Variants in MED13L observed in about 807,000 individuals in gnomAD.
MED13L encodes the protein mediator of RNA polymerase II transcription subunit 13-like.
A neutral mutation model predicts 220.9 loss-of-function variants in MED13L; 7 were observed. That is an observed-to-expected ratio of 0.03 (90% CI 0.02 to 0.06). The LOEUF is 0.06. MED13L is among the 10% of genes least tolerant of loss of function. The pLI, the probability that MED13L is intolerant of heterozygous loss-of-function variation, is 1.00. For synonymous variants in MED13L, 1,011 were observed against 1,015.2 expected, an observed-to-expected ratio of 1.00 and a Z score of 0.08; for missense variants, 1,965 against 2,760.5, an observed-to-expected ratio of 0.71 and a Z score of 6.46.
At chr12:116,229,773 C>T (rs1869372773) in intron 2 of MED13L, among the ~76,000 whole-genome samples, 1 of 152,082 alleles carries the variant, frequency 6.6e-6, no homozygotes, top group Non-Finnish European at 1.5e-5. Flanking sequence ...TTTTTCCTTT[C>T]AAGTATATAA....
In MED13L at chr12:115,991,792, G is replaced by T. The variant is rs1264506113; in HGVS notation, c.3162C>A (p.Pro1054=). The T allele has an allele frequency of 6.2e-7, 1 of 1,613,822 alleles. No homozygotes were observed. ...PRFSVPTPRT[P]RTPRTPRGGG... ...CACCTCTGGGAGTTCTTGGGGTCCT[G>T]GGGGTTCGTGGTGTGGGGACAGAGA... Residue 1054 remains proline (P), a synonymous_variant, in exon 17 of 31, where the codon CCC becomes CCA. Coordinates refer to ENST00000281928, the MANE Select transcript of MED13L (RefSeq NM_015335.5). This position sits in a 1 kb window ranked among gnomAD's most constrained non-coding sequence, Gnocchi z 7.7.
At chr12:116,254,153 A>G (rs1871830002) in intron 1 of MED13L, among the ~76,000 whole-genome samples, 1 of 152,096 alleles carries the variant, frequency 6.6e-6, no homozygotes, top group Non-Finnish European at 1.5e-5. Flanking sequence ...AGAAGAGTGA[A>G]TATTTTCTGC....
chr12:116,132,316 A>C (rs1593081016), intron 2 of MED13L, among the ~76,000 whole-genome samples: 1 of 151,912 alleles, frequency 6.6e-6, no homozygotes, highest in East Asian at 1.9e-4. Flanking sequence ...TACCAAATAA[A>C]ATACTAGCAC....
At chr12:116,175,848 T>C (rs1880020907) in intron 2 of MED13L, among the ~76,000 whole-genome samples, 1 of 152,112 alleles carries the variant, frequency 6.6e-6, no homozygotes. Flanking sequence ...TAATGCATAA[T>C]AATAATAGGA....
At chr12:115,976,946 A>G (rs1592906613) in intron 23 of MED13L, among the ~76,000 whole-genome samples, 1 of 152,170 alleles carries the variant, frequency 6.6e-6, no homozygotes, top group African/African-American at 2.4e-5. Context: ...GGATCACTGG[A>G]GCCCAGGAGT....
At chr12:116,014,851 T>C (rs938582396) in intron 8 of MED13L, among the ~76,000 whole-genome samples, 1 of 152,166 alleles carries the variant, frequency 6.6e-6, no homozygotes, top group Admixed American at 6.5e-5. Flanking sequence ...TGCTACAAAA[T>C]ATTAGGTCAA....
chr12:116,235,979 G>GT (rs1164227178), intron 2 of MED13L, among the ~76,000 whole-genome samples: 1 of 151,986 alleles, frequency 6.6e-6, no homozygotes, highest in Non-Finnish European at 1.5e-5. Flanking sequence ...TTTTTAAAAA[G>GT]CTTTATACCT....
intron 3 of MED13L, among the ~76,000 whole-genome samples, chr12:116,109,036 A>ACTTTATAT (rs1873843903): frequency 6.9e-6 from 1 of 144,828 alleles, no homozygotes; most frequent in Non-Finnish European, 1.5e-5. Flanking sequence ...ACTATCCCAA[A>ACTTTATAT]CTTTATATGT....
chr12:116,078,210 T>C (rs529440814), intron 4 of MED13L, among the ~76,000 whole-genome samples: 93 of 152,018 alleles, frequency 6.1e-4, no homozygotes, highest in African/African-American at 2.2e-3. Context: ...TGAATTATTA[T>C]GATAAAGACT....
At chr12:116,157,592 C>T (rs773169880) in intron 2 of MED13L, among the ~76,000 whole-genome samples, 16 of 152,352 alleles carry the variant, frequency 1.1e-4, no homozygotes, top group Middle Eastern at 6.8e-3. Context: ...TACCTGAGTG[C>T]AAGAGCACTA....
At chr12:115,972,282 C>A in intron 25 of MED13L, 46 bp from the exon 26 acceptor site, 2 of 1,603,308 alleles carry the variant, frequency 1.2e-6, no homozygotes, top group Non-Finnish European at 1.7e-6. Context: ...GAAATTCATA[C>A]TGATGGGAGA....
chr12:116,274,549 T>C (rs1426112491), intron 1 of MED13L, among the ~76,000 whole-genome samples: 1 of 151,796 alleles, frequency 6.6e-6, no homozygotes, highest in Non-Finnish European at 1.5e-5. Context: ...ATAACTATGA[T>C]ATACAATGTA....
intron 2 of MED13L, among the ~76,000 whole-genome samples, chr12:116,198,453 G>A (rs17580584): frequency 0.091 from 13,858 of 151,766 alleles, 722 homozygotes; most frequent in East Asian, 0.22. Flanking sequence ...CAGTAGTGCC[G>A]CCTACATTTG....
chr12:116,031,740 GAAAAGA>G (rs1566020740), intron 4 of MED13L, among the ~76,000 whole-genome samples: 763 of 60,866 alleles, frequency 0.013, 42 homozygotes, highest in Non-Finnish European at 0.015. Context: ...GAAAAGAAAA[GAAAAGA>G]AAAGAAAAGA....
intron 2 of MED13L, among the ~76,000 whole-genome samples, chr12:116,118,874 CTT>C (rs568713725): frequency 9.2e-5 from 14 of 152,186 alleles, no homozygotes; most frequent in Non-Finnish European, 2.1e-4. Flanking sequence ...TATTTTGAAA[CTT>C]TGCAGAATAG....
At chr12:116,165,408 G>A (rs1879185360) in intron 2 of MED13L, among the ~76,000 whole-genome samples, 1 of 151,680 alleles carries the variant, frequency 6.6e-6, no homozygotes, top group Non-Finnish European at 1.5e-5. Flanking sequence ...TTAGCTCACT[G>A]CAACCTCTGC....
At chr12:116,264,522 C>T (rs1872705480) in intron 1 of MED13L, among the ~76,000 whole-genome samples, 1 of 152,170 alleles carries the variant, frequency 6.6e-6, no homozygotes, top group East Asian at 1.9e-4. Context: ...AATCCTTGAA[C>T]TCAAAAAACA....
intron 11 of MED13L, 56 bp downstream of exon 11, chr12:116,007,355 T>C (rs1233613325): frequency 4.7e-6 from 7 of 1,500,530 alleles, no homozygotes; most frequent in Non-Finnish European, 5.6e-6. Flanking sequence ...ACACATGTTG[T>C]ACTGACATAG....
At chr12:116,076,190 AT>A (rs1000666343) in intron 4 of MED13L, among the ~76,000 whole-genome samples, 22 of 152,098 alleles carry the variant, frequency 1.4e-4, no homozygotes, top group Admixed American at 1.2e-3. Flanking sequence ...TGGCCAGAAG[AT>A]TTTTTAAGTG....
Sources: gnomAD v4.1 joint callset for allele counts (sites outside exome capture counted in the v4.1 genomes callset) on GRCh38, gnomAD v4.1.1 for gene constraint, Gnocchi (gnomAD v3.1) non-coding constraint, MANE v1.5 for transcripts, NCBI Gene and HGNC (gene_info 2026-07-23, HGNC 2026-07-21) for gene names.